NOL4: variants seen among roughly 807,000 people sequenced by gnomAD.
The protein encoded by NOL4 is cancer/testis antigen 125.
In NOL4, 17 loss-of-function variants were observed where a neutral mutation model predicts 75.9. The ratio of observed to expected loss-of-function variants is 0.22; its 90% CI spans 0.15 to 0.34. The LOEUF (loss-of-function observed/expected upper bound fraction) is 0.34. Among genes scored for constraint, NOL4 ranks in the 10% least tolerant of loss-of-function variants. The pLI, the probability that NOL4 is intolerant of heterozygous loss-of-function variation, is 1.00. For synonymous variants in NOL4, 292 were observed against 289.9 expected (o/e 1.01, Z -0.07); for missense variants, 614 against 793.5 (o/e 0.77, Z 2.72).
intron 5 of NOL4, among the ~76,000 whole-genome samples, chr18:34,027,287 G>T (rs1418941840): frequency 6.6e-6 from 1 of 152,152 alleles, no homozygotes. Flanking sequence ...TTGGAGAATA[G>T]GTATTTGGTA....
chr18:33,867,048 T>A (rs778097381), intron 10 of NOL4, among the ~76,000 whole-genome samples: 9 of 152,154 alleles, frequency 5.9e-5, no homozygotes, highest in Non-Finnish European at 1.0e-4. Context: ...CTACCATTCA[T>A]AATTCAACTT....
chr18:34,162,922 A>T (rs1400976790), intron 1 of NOL4, among the ~76,000 whole-genome samples: 1 of 152,218 alleles, frequency 6.6e-6, no homozygotes, highest in East Asian at 1.9e-4. Context: ...CCTGGGATGC[A>T]AGGCTGCTTC....
chr18:34,160,692 T>A (rs2031327903), intron 1 of NOL4, among the ~76,000 whole-genome samples: 1 of 152,196 alleles, frequency 6.6e-6, no homozygotes, highest in South Asian at 2.1e-4. Flanking sequence ...AAAATTTTAA[T>A]TGGCACAATA....
chr18:34,207,698 C>T (rs1223453474), intron 1 of NOL4, among the ~76,000 whole-genome samples: 2 of 151,976 alleles, frequency 1.3e-5, no homozygotes, highest in Non-Finnish European at 2.9e-5. Context: ...TTTCTTACTT[C>T]TTAGAGTTTT....
At chr18:33,865,560 T>TAA (rs34154177) in intron 10 of NOL4, among the ~76,000 whole-genome samples, 1 of 148,454 alleles carries the variant, frequency 6.7e-6, no homozygotes, top group African/African-American at 2.5e-5. Flanking sequence ...GTCACTGCTA[T>TAA]AAAAAAAAAA....
At chr18:34,140,860 T>G (rs1284559526) in intron 1 of NOL4, among the ~76,000 whole-genome samples, 1 of 152,072 alleles carries the variant, frequency 6.6e-6, no homozygotes, top group African/African-American at 2.4e-5. Flanking sequence ...CAGGAGCTCT[T>G]GTAGGGCAGG....
In NOL4 at chr18:34,129,905, C is replaced by T; in HGVS notation, c.380G>A (p.Arg127Gln). 3.1e-6 allele frequency: 5 copies of T among 1,587,878 alleles called. No individual in the cohort carries two copies. The highest frequency in any genetic ancestry group is 4.3e-6 in the Non-Finnish European group (5 of 1,166,614). The change falls in exon 2 of 11, where the codon CGG (arginine) becomes CAG (glutamine). Residue 127 changes from arginine (R) to glutamine (Q), a missense_variant. Physicochemically the swap from Arg to Gln is conservative, Grantham distance 43. Coordinates refer to ENST00000261592, the MANE Select transcript of NOL4 (RefSeq NM_003787.5). ...VETGPNGEQI[R>Q]KHAGQKRTYK... Reference sequence around the variant, plus strand: ...AGTTCTCTTTTGTCCAGCGTGTTTCCGAATTTGTTCTCCATTTGGCCCCGT... The same window carrying T: ...AGTTCTCTTTTGTCCAGCGTGTTTCTGAATTTGTTCTCCATTTGGCCCCGT...
chr18:34,096,837 A>G (rs1340640046), intron 4 of NOL4, among the ~76,000 whole-genome samples: 1 of 152,104 alleles, frequency 6.6e-6, no homozygotes, highest in Non-Finnish European at 1.5e-5. Context: ...GCACTTATTT[A>G]TTTCTCAAAA....
At chr18:33,914,966 C>A (rs2066626486) in intron 9 of NOL4, among the ~76,000 whole-genome samples, 1 of 151,848 alleles carries the variant, frequency 6.6e-6, no homozygotes, top group African/African-American at 2.4e-5. Context: ...GGTGGGACTA[C>A]AGGAGAAAAG....
At chr18:33,938,574 G>T (rs2068235156) in intron 9 of NOL4, among the ~76,000 whole-genome samples, 1 of 152,086 alleles carries the variant, frequency 6.6e-6, no homozygotes, top group Admixed American at 6.6e-5. Flanking sequence ...CCGCATAAAT[G>T]TCTTCTTTTG....
intron 9 of NOL4, among the ~76,000 whole-genome samples, chr18:33,904,217 C>T (rs879578109): frequency 5.3e-5 from 8 of 151,960 alleles, no homozygotes; most frequent in Admixed American, 3.9e-4. Context: ...GGGGTCCCAT[C>T]GAGGGATAGT....
chr18:34,126,183 A>G (rs1349669126), intron 2 of NOL4, among the ~76,000 whole-genome samples: 1 of 152,216 alleles, frequency 6.6e-6, no homozygotes, highest in Non-Finnish European at 1.5e-5. Context: ...CTATATGCCG[A>G]GCACTTTGCA....
At chr18:33,997,783 C>T (rs1210919992) in intron 6 of NOL4, among the ~76,000 whole-genome samples, 4 of 150,274 alleles carry the variant, frequency 2.7e-5, no homozygotes, top group Non-Finnish European at 5.9e-5. Context: ...AAAATGAAAA[C>T]ATATATTCAC....
intron 1 of NOL4, among the ~76,000 whole-genome samples, chr18:34,198,522 TTTAAA>T (rs1237320624): frequency 2.6e-5 from 4 of 152,040 alleles, no homozygotes; most frequent in East Asian, 3.9e-4. Context: ...TAATTTTTAA[TTTAAA>T]TTAAGAATTC....
intron 2 of NOL4, among the ~76,000 whole-genome samples, chr18:34,106,797 G>A (rs2145699781): frequency 6.6e-6 from 1 of 151,804 alleles, no homozygotes; most frequent in East Asian, 1.9e-4. Flanking sequence ...TTTCATTAGA[G>A]ATCATTATTT....
intron 6 of NOL4, among the ~76,000 whole-genome samples, chr18:34,003,108 C>T (rs9961739): frequency 0.2 from 30,931 of 151,926 alleles, 3,561 homozygotes; most frequent in East Asian, 0.47. Flanking sequence ...TTGTTACTTA[C>T]GTGAGCATTT....
At chr18:33,877,560 A>G (rs1041313702) in intron 10 of NOL4, among the ~76,000 whole-genome samples, 1 of 151,874 alleles carries the variant, frequency 6.6e-6, no homozygotes, top group African/African-American at 2.4e-5. Context: ...TGTGGTCTTT[A>G]CACAATGAAG....
chr18:34,017,497 C>A (rs1452094935), intron 6 of NOL4, among the ~76,000 whole-genome samples: 1 of 152,062 alleles, frequency 6.6e-6, no homozygotes. Context: ...AGCAAATTTT[C>A]AATAGATGAT....
At chr18:34,024,194 A>AAATATATATATATATATATATATATATAT in intron 5 of NOL4, among the ~76,000 whole-genome samples, 37 of 70,630 alleles carry the variant, frequency 5.2e-4, no homozygotes, top group African/African-American at 9.5e-4. Flanking sequence ...AAAAAAAAAA[A>AAATATATATATATATATATATATATATAT]ATATATATAT....
Sources: allele counts gnomAD v4.1 joint callset (sites outside exome capture counted in the v4.1 genomes callset), GRCh38; gene constraint gnomAD v4.1.1; transcripts MANE v1.5; gene names NCBI Gene and HGNC (gene_info 2026-07-23, HGNC 2026-07-21).